DIDO1: variants seen among roughly 807,000 people sequenced by gnomAD.
DIDO1 encodes the protein death inducer-obliterator 1, also known as death-inducer obliterator 1.
DIDO1 carries 16 observed loss-of-function variants against 99.4 expected under a neutral mutation model. The ratio of observed to expected loss-of-function variants is 0.16; its 90% CI spans 0.11 to 0.24. The LOEUF is 0.24. DIDO1 is among the 10% of genes least tolerant of loss of function. The pLI is 1.00. For synonymous variants in DIDO1, 1,366 were observed against 1,239.1 expected (o/e 1.10, Z -2.15); for missense variants, 2,996 against 3,014.0 (o/e 0.99, Z 0.14).
chr20:62,929,852 CCAA>C, upstream of DIDO1, among the ~76,000 whole-genome samples: 2 of 151,166 alleles, frequency 1.3e-5, no homozygotes, highest in Non-Finnish European at 2.9e-5. Context: ...AATCAACTCA[CCAA>C]TGCTAAAAGG....
upstream of DIDO1, among the ~76,000 whole-genome samples, chr20:62,929,757 T>G (rs1266297573): frequency 4.8e-5 from 5 of 103,510 alleles, no homozygotes; most frequent in East Asian, 1.7e-3. Flanking sequence ...GCCACTGTTT[T>G]GTTTTTTTTT....
At chr20:62,888,745 A>G in intron 15 of DIDO1, 2 of 985,482 alleles carry the variant, frequency 2.0e-6, no homozygotes, top group Non-Finnish European at 2.4e-6. Context: ...AGAAAACGCC[A>G]AGTCAAGTAA....
rs1487532103 is a variant in DIDO1 at position 62,894,630 on chromosome 20, C to G, written c.2437-82G>C. 9.0e-6 allele frequency: 14 copies of G among 1,548,536 alleles called. No individual in the cohort carries two copies. The highest frequency in any genetic ancestry group is 1.1e-5 in the Non-Finnish European group (13 of 1,151,180). On this transcript the variant is annotated intron_variant, in intron 10 of 15. Transcript: ENST00000395343. The surrounding 1 kb of genome is among the most constrained non-coding windows in gnomAD (Gnocchi z 4.4). The stretch of plus-strand genomic sequence containing the variant: ...ATTAACCACACACAAGAAAAGCAGT[C>G]TCATGGGATTGAGACCCACGGGGGA...
chr20:62,903,480 C>T (rs1419238756), intron 6 of DIDO1, among the ~76,000 whole-genome samples: 5 of 152,186 alleles, frequency 3.3e-5, no homozygotes, highest in East Asian at 3.8e-4. Flanking sequence ...CCAGGGAGGG[C>T]GAGCTCCGTG....
Position 62,894,691 on chromosome 20 carries a change from G to T in DIDO1, c.2436+119C>A. 7.1e-7 allele frequency: 1 copy of T among 1,403,582 alleles called. No homozygotes were observed. The highest frequency in any genetic ancestry group is 9.6e-7 in the Non-Finnish European group (1 of 1,039,442). 86.9% of individuals were successfully genotyped at this position (1,403,582 alleles called of 1,614,324 possible). On this transcript the variant is annotated intron_variant, in intron 10 of 15. Coordinates refer to ENST00000395343, the MANE Select transcript of DIDO1 (RefSeq NM_001193369.2). The surrounding 1 kb of genome is among the most constrained non-coding windows in gnomAD (Gnocchi z 4.4). ...CCATCTAATACAAGGACTGAGGAAT[G>T]CCACAATGACATACACCTGCTGTAA...
At chr20:62,886,035 CG>C (rs1354134675) in intron 15 of DIDO1, among the ~76,000 whole-genome samples, 2 of 152,208 alleles carry the variant, frequency 1.3e-5, no homozygotes, top group Non-Finnish European at 2.9e-5. Flanking sequence ...GAGAGTGCCC[CG>C]GGAAGGTGCA....
At chr20:62,910,255 C>A (rs1484409421) in intron 3 of DIDO1, among the ~76,000 whole-genome samples, 3 of 152,208 alleles carry the variant, frequency 2.0e-5, no homozygotes, top group African/African-American at 4.8e-5. Context: ...ACCACAGATA[C>A]CTCAGCAAGT....
rs539339295 is a variant in DIDO1, at chr20:62,888,506, G to A, written c.3541+2454C>T. 8.4e-5 allele frequency: 83 copies of A among 985,534 alleles called. No individual in the cohort carries two copies. In the Middle Eastern group the frequency reaches 1.6e-3, roughly 19 times the overall value. The allele number at this position is 985,534 out of a possible 1,614,324, so 61.0% of individuals were successfully genotyped here. Reference sequence around the variant, plus strand: ...TTCTGGGGGCGTGACTCCAAGCTGCGCAGCACACGCTCACCCCTGACCACA... The same window carrying A: ...TTCTGGGGGCGTGACTCCAAGCTGCACAGCACACGCTCACCCCTGACCACA... On this transcript the variant is annotated intron_variant, in intron 15 of 15. Coordinates refer to ENST00000395343, the MANE Select transcript of DIDO1 (RefSeq NM_001193369.2).
chr20:62,921,496 T>TTCA (rs1433574077), intron 1 of DIDO1, among the ~76,000 whole-genome samples: 9 of 152,116 alleles, frequency 5.9e-5, no homozygotes, highest in African/African-American at 1.7e-4. Context: ...CTCATTCAGT[T>TTCA]TCATGTGATT....
In DIDO1 at chr20:62,907,150, A is replaced by G. The variant is rs773075571; in HGVS notation, c.1371T>C (p.Ala457=). ...PEKPSLPKCG[A]QAGIKISSVH... is the part of the protein sequence containing the mutation. The stretch of plus-strand genomic sequence containing the variant: ...CGGCTGGTCCTGGTCCACTCACCTG[A>G]GCACCGCATTTCGGAAGACTGGGCT... Residue 457 remains alanine, a synonymous_variant, in exon 5 of 16, where the codon GCT becomes GCC. Transcript: ENST00000395343. The G allele has an allele frequency of 1.6e-5, 26 of 1,614,198 alleles. 1 individual carries two copies. In the East Asian group the frequency reaches 4.7e-4, roughly 29 times the overall value.
rs760130970 is a variant in DIDO1, at chr20:62,880,640, C to T, written c.5316G>A (p.Pro1772=). Residue 1772 remains proline, a synonymous_variant, in exon 16 of 16, where the codon CCG becomes CCA. Coordinates refer to ENST00000395343, the MANE Select transcript of DIDO1 (RefSeq NM_001193369.2). ...ACGGAGGGGCTGGCCCCCTTGGTCC[C>T]GGGAAATTGGGGCCGTGAAGCCCTG... ...GMSGLHGPNF[P]GPRGPAPPFP... is the part of the protein sequence containing the mutation. 5 of 1,612,742 alleles carry T rather than the reference C, an allele frequency of 3.1e-6. No individual in the cohort carries two copies. The highest frequency in any genetic ancestry group is 2.7e-5 in the African/African-American group (2 of 74,944).
At chr20:62,904,140 C>A (rs1009609954) in intron 6 of DIDO1, among the ~76,000 whole-genome samples, 5 of 152,198 alleles carry the variant, frequency 3.3e-5, no homozygotes, top group Admixed American at 2.6e-4. Flanking sequence ...GAGGCTATAA[C>A]CGCAGTTTTT....
At chr20:62,892,547 C>A (rs1453733924) in intron 13 of DIDO1, among the ~76,000 whole-genome samples, 2 of 152,192 alleles carry the variant, frequency 1.3e-5, no homozygotes, top group Non-Finnish European at 2.9e-5. Context: ...GTCAGTGCCC[C>A]AGCGAAACCG....
At chr20:62,904,337 C>G (rs892344993) in intron 6 of DIDO1, among the ~76,000 whole-genome samples, 2 of 152,164 alleles carry the variant, frequency 1.3e-5, no homozygotes, top group African/African-American at 2.4e-5. Flanking sequence ...ATTCTCAGCT[C>G]AAACAATGTA....
In DIDO1 at chr20:62,879,487, G is replaced by A. The variant is rs2064158840; in HGVS notation, c.6469C>T (p.Arg2157Cys). 1 of 1,590,762 alleles carries A rather than the reference G, an allele frequency of 6.3e-7. No homozygotes were observed. Among genetic ancestry groups the A allele is most frequent in the Non-Finnish European group, 8.5e-7 (1 of 1,175,470 alleles). The change falls in exon 16 of 16, where the codon CGC becomes TGC. Residue 2157 changes from arginine to cysteine, a missense_variant. By Grantham distance (180) the Arg-to-Cys change is radical. Coordinates refer to ENST00000395343, the MANE Select transcript of DIDO1 (RefSeq NM_001193369.2). This position sits in a 1 kb window ranked among gnomAD's most constrained non-coding sequence, Gnocchi z 6.3. Reference protein sequence around the residue: ...WDRNRERSANRDREREADRGK... With the variant: ...WDRNRERSANCDREREADRGK... ...CGGTCGGCCTCGCGCTCTCGGTCGC[G>A]GTTGGCGCTCCTCTCCCGGTTTCTG...
chr20:62,888,762 C>A (rs1386484317), intron 15 of DIDO1: 1 of 985,320 alleles, frequency 1.0e-6, no homozygotes, highest in East Asian at 1.1e-4. Flanking sequence ...GTAATCAGTA[C>A]GTGAAGCGGG....
In DIDO1 at chr20:62,911,304, G is replaced by A. The variant is rs756321956; in HGVS notation, c.309C>T (p.Pro103=). 3 of 1,609,474 alleles carry A rather than the reference G, an allele frequency of 1.9e-6. No individual in the cohort carries two copies. Among genetic ancestry groups the A allele is most frequent in the African/African-American group, 1.3e-5 (1 of 74,908 alleles). Residue 103 remains proline, a synonymous_variant, in exon 3 of 16, where the codon CCC becomes CCT. Transcript: ENST00000395343. This position sits in a 1 kb window ranked among gnomAD's most constrained non-coding sequence, Gnocchi z 7.0. The part of the protein sequence containing the change: ...LEDSGEPTSC[P]ATDAETASEG... The stretch of plus-strand genomic sequence containing the variant: ...CGGAGGCTGTCTCGGCGTCTGTGGC[G>A]GGGCAGGACGTGGGCTCACCAGAAT...
intron 6 of DIDO1, among the ~76,000 whole-genome samples, chr20:62,901,666 C>T (rs1199729723): frequency 1.3e-5 from 2 of 152,154 alleles, no homozygotes; most frequent in Non-Finnish European, 2.9e-5. Context: ...ACCTTAAGCT[C>T]TTCTTGCCGA....
intron 15 of DIDO1, chr20:62,890,250 C>A: frequency 1.0e-6 from 1 of 985,986 alleles, no homozygotes; most frequent in Non-Finnish European, 1.2e-6. Flanking sequence ...TTCAGTTGGG[C>A]ATCAGATACT....
Sources: gnomAD v4.1 joint callset for allele counts (sites outside exome capture counted in the v4.1 genomes callset) on GRCh38, gnomAD v4.1.1 for gene constraint, Gnocchi (gnomAD v3.1) non-coding constraint, MANE v1.5 for transcripts, NCBI Gene and HGNC (gene_info 2026-07-23, HGNC 2026-07-21) for gene names.